Variants in LOXL1 observed in about 807,000 individuals in gnomAD.
LOXL1 encodes lysyl oxidase like 1.
A neutral mutation model predicts 62.2 loss-of-function variants in LOXL1; 31 were observed. That is an observed-to-expected ratio of 0.50 (90% CI 0.37 to 0.67). LOXL1 has a LOEUF of 0.67. Ranked by LOEUF, LOXL1 falls within the 30% of genes least tolerant of loss-of-function variation. The probability of loss-of-function intolerance (pLI) is 0.00; values close to 1 mark genes in which losing one functional copy is unlikely to be tolerated. For synonymous variants in LOXL1, 403 were observed against 384.4 expected, an observed-to-expected ratio of 1.05 and a Z score of -0.56; for missense variants, 775 against 843.4, an observed-to-expected ratio of 0.92 and a Z score of 1.00.
chr15:73,951,052 G>A (rs893037972), intron 6 of LOXL1, among the ~76,000 whole-genome samples: 1 of 152,194 alleles, frequency 6.6e-6, no homozygotes, highest in Non-Finnish European at 1.5e-5. Context: ...CAAGACCCAG[G>A]GTCACCTAAG....
intron 1 of LOXL1, among the ~76,000 whole-genome samples, chr15:73,931,149 C>T (rs1448878074): frequency 3.6e-5 from 5 of 137,958 alleles, no homozygotes; most frequent in Admixed American, 3.0e-4. Flanking sequence ...ACCCTCGCAC[C>T]CCCCGCCTGA....
chr15:73,951,366 TAG>T (rs2068785494), intron 6 of LOXL1, among the ~76,000 whole-genome samples: 1 of 151,924 alleles, frequency 6.6e-6, no homozygotes, highest in African/African-American at 2.4e-5. Context: ...CGGGCCTTAT[TAG>T]AGTGTCTCAG....
intron 1 of LOXL1, among the ~76,000 whole-genome samples, chr15:73,933,419 G>A (rs2068649062): frequency 6.6e-6 from 1 of 152,136 alleles, no homozygotes; most frequent in Admixed American, 6.5e-5. Flanking sequence ...GTAAACACCT[G>A]AAAAAAACCA....
At chr15:73,947,548 A>G (rs1175559968) in intron 4 of LOXL1, 3 of 491,564 alleles carry the variant, frequency 6.1e-6, no homozygotes, top group Non-Finnish European at 1.1e-5. Context: ...ATATCCACAA[A>G]CTGTCCATCT....
rs148763391 is a variant in LOXL1 at position 73,947,358 on chromosome 15, C to T, written c.1506+135C>T. ...CTGCTCACAGTGAAGGTCTTCTCACCAGTCCTCAGGCTGCCACACTGCCCT... is the reference window on the plus strand; with the variant it reads ...CTGCTCACAGTGAAGGTCTTCTCACTAGTCCTCAGGCTGCCACACTGCCCT... On this transcript the variant is annotated intron_variant, in intron 4 of 6. Transcript: ENST00000261921. The T allele has an allele frequency of 5.3e-4, 502 of 948,362 alleles. 5 individuals carry two copies. In the East Asian group the frequency reaches 9.5e-3, roughly 18 times the overall value. 58.7% of individuals were successfully genotyped at this position (948,362 alleles called of 1,614,324 possible).
chr15:73,931,146 C>T (rs1163530920), intron 1 of LOXL1, among the ~76,000 whole-genome samples: 3 of 140,304 alleles, frequency 2.1e-5, no homozygotes, highest in Non-Finnish European at 4.8e-5. Flanking sequence ...CTTACCCTCG[C>T]ACCCCCCGCC....
rs750032879 is a variant in LOXL1, at chr15:73,946,515, A to G, written c.1310A>G (p.Asn437Ser). ...KNQGTADFLPNRPRHTWEWHS... is the reference protein window; with the variant it reads ...KNQGTADFLPSRPRHTWEWHS... ...CAGGGCACAGCAGACTTCCTCCCCA[A>G]CCGGCCACGGCACACCTGGGAGTGG... is the stretch of plus-strand genomic sequence containing the variant. Residue 437 changes from asparagine (N) to serine (S), a missense_variant, in exon 3 of 7, where the codon AAC (asparagine) becomes AGC (serine). Physicochemically the swap from Asn to Ser is conservative, Grantham distance 46 (BLOSUM62 1). Transcript: ENST00000261921. 6 of 1,610,324 alleles carry G rather than the reference A, an allele frequency of 3.7e-6. No homozygotes were observed. The highest frequency in any genetic ancestry group is 2.2e-5 in the South Asian group (2 of 90,276).
intron 1 of LOXL1, among the ~76,000 whole-genome samples, chr15:73,942,609 C>CT (rs1292842919): frequency 6.6e-6 from 1 of 152,144 alleles, no homozygotes; most frequent in Admixed American, 6.5e-5. Context: ...CATGTCCAAG[C>CT]TTTTCCAGGA....
chr15:73,947,956 C>T, intron 5 of LOXL1, 54 bp downstream of exon 5: 2 of 1,341,486 alleles, frequency 1.5e-6, no homozygotes, highest in Non-Finnish European at 1.1e-6. Context: ...TGTCCAATGT[C>T]CCCCCGTTCC....
intron 1 of LOXL1, among the ~76,000 whole-genome samples, chr15:73,938,713 G>A (rs528620562): frequency 6.6e-6 from 1 of 152,268 alleles, no homozygotes; most frequent in Admixed American, 6.5e-5. Flanking sequence ...TGTATTTGGA[G>A]TAAGCAAAAA....
intron 1 of LOXL1, among the ~76,000 whole-genome samples, chr15:73,933,513 A>G (rs1363126583): frequency 1.3e-5 from 2 of 152,224 alleles, no homozygotes; most frequent in African/African-American, 2.4e-5. Flanking sequence ...CATTAGTACC[A>G]TTATGGGCAC....
intron 6 of LOXL1, among the ~76,000 whole-genome samples, chr15:73,951,403 G>A (rs11072450): frequency 0.25 from 38,387 of 152,042 alleles, 5,003 homozygotes; most frequent in Admixed American, 0.34. Context: ...ACCGCAGGCA[G>A]GCAGCTGGGC....
At chr15:73,950,274 C>T (rs1004171511) in intron 6 of LOXL1, among the ~76,000 whole-genome samples, 1 of 133,084 alleles carries the variant, frequency 7.5e-6, no homozygotes, top group Non-Finnish European at 1.6e-5. Context: ...CACTCCAGAT[C>T]GAAGCAACCC....
At chr15:73,947,283 G>A in intron 4 of LOXL1, 60 bp downstream of exon 4, 2 of 1,534,536 alleles carry the variant, frequency 1.3e-6, no homozygotes, top group Non-Finnish European at 1.8e-6. Flanking sequence ...GAGGCAAAGA[G>A]CGAGGCCCGC....
chr15:73,951,703 G>C, intron 6 of LOXL1, 128 bp from the exon 7 acceptor site: 1 of 782,692 alleles, frequency 1.3e-6, no homozygotes. Context: ...ACTTTCTCTT[G>C]AGGGAAATGT....
In LOXL1 at chr15:73,952,043, T is replaced by A; in HGVS notation, c.*206T>A. 1 of 407,740 alleles carries A rather than the reference T, an allele frequency of 2.5e-6. No individual in the cohort carries two copies. The highest frequency in any genetic ancestry group is 4.3e-6 in the Non-Finnish European group (1 of 231,848). 25.3% of individuals were successfully genotyped at this position (407,740 alleles called of 1,614,324 possible). On this transcript the variant is annotated 3_prime_UTR_variant, in exon 7 of 7. Coordinates refer to ENST00000261921, the MANE Select transcript of LOXL1 (RefSeq NM_005576.4). Reference sequence around the variant, plus strand: ...TATACTTCACTTTTCTCTACAGTGTTGTTTTGTTGTTGTTGGTTTTTATTT... The same window carrying A: ...TATACTTCACTTTTCTCTACAGTGTAGTTTTGTTGTTGTTGGTTTTTATTT...
intron 6 of LOXL1, 148 bp from the exon 7 acceptor site, chr15:73,951,682 AG>A: frequency 3.5e-6 from 2 of 573,710 alleles, no homozygotes; most frequent in South Asian, 4.8e-5. Context: ...AGCTGGGCTG[AG>A]GGGGTCGGAA....
intron 5 of LOXL1, 40 bp from the exon 6 acceptor site, chr15:73,949,418 CT>C (rs2068768915): frequency 8.2e-7 from 1 of 1,217,722 alleles, no homozygotes; most frequent in African/African-American, 1.5e-5. Flanking sequence ...TGCAGCCCCC[CT>C]GACTAGACTC....
chr15:73,931,452 A>C (rs990954291), intron 1 of LOXL1, among the ~76,000 whole-genome samples: 2 of 152,114 alleles, frequency 1.3e-5, no homozygotes, highest in African/African-American at 4.8e-5. Context: ...CCTTTAGGAC[A>C]AAATCTAGTG....
Sources: gnomAD v4.1 joint callset for allele counts (sites outside exome capture counted in the v4.1 genomes callset) on GRCh38, gnomAD v4.1.1 for gene constraint, MANE v1.5 for transcripts, NCBI Gene and HGNC (gene_info 2026-07-23, HGNC 2026-07-21) for gene names.